Variants in LIN28B observed in about 807,000 individuals in gnomAD.
LIN28B encodes lin-28 RNA binding posttranscriptional regulator B, also known as protein lin-28 homolog B.
In LIN28B, 5 loss-of-function variants were observed where a neutral mutation model predicts 21.9. The observed-to-expected ratio is 0.23, with a 90% CI of 0.12 to 0.48. The LOEUF (loss-of-function observed/expected upper bound fraction) is 0.48, where lower values mean the gene tolerates loss of function less well. Ranked by LOEUF, LIN28B falls within the 20% of genes least tolerant of loss-of-function variation. The pLI is 0.98. For missense variants in LIN28B, 245 were observed against 310.5 expected, an observed-to-expected ratio of 0.79 and a Z score of 1.58; for synonymous variants, 109 against 111.3, an observed-to-expected ratio of 0.98 and a Z score of 0.13.
chr6:104,942,834 A>G (rs1778112690), intron 2 of LIN28B, among the ~76,000 whole-genome samples: 1 of 152,166 alleles, frequency 6.6e-6, no homozygotes, highest in Admixed American at 6.5e-5. Context: ...TTACAATATA[A>G]GGTCATAAAA....
chr6:105,025,454 C>G (rs532844920), intron 2 of LIN28B, among the ~76,000 whole-genome samples: 1 of 152,240 alleles, frequency 6.6e-6, no homozygotes, highest in African/African-American at 2.4e-5. Context: ...TACAAAAAAT[C>G]AGCTATCTTT....
At chr6:104,941,379 G>C (rs1438209758) in intron 2 of LIN28B, 4 of 146,086 alleles carry the variant, frequency 2.7e-5, no homozygotes, top group Admixed American at 6.7e-5. Context: ...GCACTGCGTT[G>C]CCACAGCGGC....
chr6:105,011,519 C>G (rs1770922499), intron 2 of LIN28B, among the ~76,000 whole-genome samples: 1 of 152,200 alleles, frequency 6.6e-6, no homozygotes, highest in African/African-American at 2.4e-5. Flanking sequence ...TAATGCAACC[C>G]TCTGGGTGTA....
At chr6:104,990,364 TG>T (rs1770435321) in intron 2 of LIN28B, among the ~76,000 whole-genome samples, 2 of 151,988 alleles carry the variant, frequency 1.3e-5, no homozygotes, top group Admixed American at 1.3e-4. Flanking sequence ...CTGATTTTTT[TG>T]TTTGCTTTTT....
chr6:105,057,466 T>C (rs933344076), intron 3 of LIN28B, among the ~76,000 whole-genome samples: 1 of 152,206 alleles, frequency 6.6e-6, no homozygotes, highest in Non-Finnish European at 1.5e-5. Context: ...ATTTTTGCAG[T>C]GTTGAGTGTT....
intron 3 of LIN28B, among the ~76,000 whole-genome samples, chr6:105,066,355 A>T (rs1210189313): frequency 2.0e-5 from 3 of 152,190 alleles, no homozygotes; most frequent in Non-Finnish European, 4.4e-5. Context: ...GTAACTTCAA[A>T]GCTTTGAATA....
At position 105,026,422 on chromosome 6, in the gene LIN28B, T is replaced by C; in HGVS notation, c.323T>C (p.Leu108Ser). ...RVTGPGGSPC[L>S]GSERRPKGKT... The stretch of plus-strand genomic sequence containing the variant: ...ACAGGACCTGGTGGGAGCCCCTGTT[T>C]AGGAAGTGAAAGAAGACCCAAAGGG... Residue 108 changes from leucine (L) to serine (S), a missense_variant, in exon 3 of 4, where the codon TTA (leucine) becomes TCA (serine). Physicochemically the swap from Leu to Ser is moderately radical, Grantham distance 145. Coordinates refer to ENST00000345080, the MANE Select transcript of LIN28B (RefSeq NM_001004317.4). 2 of 1,610,606 alleles carry C rather than the reference T, an allele frequency of 1.2e-6. No homozygotes were observed. Among genetic ancestry groups the C allele is most frequent in the South Asian group, 1.1e-5 (1 of 90,398 alleles).
chr6:104,975,236 T>C (rs1257040002), intron 2 of LIN28B, among the ~76,000 whole-genome samples: 1 of 151,586 alleles, frequency 6.6e-6, no homozygotes, highest in African/African-American at 2.4e-5. Flanking sequence ...TAGAGTAATA[T>C]CTTATCTTTG....
At chr6:104,973,059 C>T (rs947109147) in intron 2 of LIN28B, among the ~76,000 whole-genome samples, 3 of 150,990 alleles carry the variant, frequency 2.0e-5, no homozygotes, top group African/African-American at 7.3e-5. Context: ...TGCAGCGAGC[C>T]GAGATTGTGC....
chr6:104,999,152 A>T (rs554756815), intron 2 of LIN28B, among the ~76,000 whole-genome samples: 2 of 152,176 alleles, frequency 1.3e-5, no homozygotes, highest in South Asian at 2.1e-4. Context: ...CAATGTTATT[A>T]TTTTATTTAT....
In LIN28B at chr6:105,081,608, G is replaced by A. The variant is rs1197619613; in HGVS notation, c.*2825G>A. 6.6e-6 allele frequency: 1 copy of A among 152,214 alleles called. No individual in the cohort carries two copies. Among genetic ancestry groups the A allele is most frequent in the African/African-American group, 2.4e-5 (1 of 41,426 alleles). The allele number at this position is 152,214 out of a possible 1,614,324, so 9.4% of individuals were successfully genotyped here. ...GAAGCATCTCGTTTTAGTTAGCAAA[G>A]TCTCCAAACATTTCCTTAAAATAAT... On this transcript the variant is annotated 3_prime_UTR_variant, in exon 4 of 4. Coordinates refer to ENST00000345080, the MANE Select transcript of LIN28B (RefSeq NM_001004317.4).
rs534371956 is a variant in LIN28B at position 105,074,246 on chromosome 6, G to A, written c.384-4168G>A. Among the ~76,000 whole-genome samples, 5 of 152,180 alleles carry A rather than the reference G, an allele frequency of 3.3e-5. No homozygotes were observed. The South Asian group carries it at 1.0e-3, about 32-fold the overall frequency. ...AGAGTCTCGCTCTGTCGCCCAGGCT[G>A]GAGTGCAGTGGTGCAATCTCAGCTC... On this transcript the variant is annotated intron_variant, in intron 3 of 3. Transcript: ENST00000345080.
chr6:105,013,723 CAAAA>C (rs11330582), intron 2 of LIN28B, among the ~76,000 whole-genome samples: 1 of 137,526 alleles, frequency 7.3e-6, no homozygotes. Context: ...GACCCTGTCT[CAAAA>C]AAAAAAAAAA....
chr6:105,031,616 C>T (rs964817851), intron 3 of LIN28B, among the ~76,000 whole-genome samples: 15 of 151,546 alleles, frequency 9.9e-5, no homozygotes, highest in Non-Finnish European at 5.9e-5. Flanking sequence ...TCACTGCAAG[C>T]TCTGCCTCCC....
At chr6:104,953,722 C>T (rs1562561242), upstream of LIN28B, among the ~76,000 whole-genome samples, 1 of 152,274 alleles carries the variant, frequency 6.6e-6, no homozygotes, top group African/African-American at 2.4e-5. Flanking sequence ...TCTCAGGTCT[C>T]GGCCGCCTGG....
At chr6:104,973,540 A>G (rs9322824) in intron 2 of LIN28B, among the ~76,000 whole-genome samples, 3,250 of 151,046 alleles carry the variant, frequency 0.022, 135 homozygotes, top group African/African-American at 0.076. Context: ...TCCTCCCCCC[A>G]CTCCCCTTTG....
At chr6:104,988,277 C>G (rs1296448926) in intron 2 of LIN28B, among the ~76,000 whole-genome samples, 1 of 152,020 alleles carries the variant, frequency 6.6e-6, no homozygotes, top group Non-Finnish European at 1.5e-5. Flanking sequence ...TTATCAAATG[C>G]CTTTTCTGCA....
intron 3 of LIN28B, among the ~76,000 whole-genome samples, chr6:105,057,437 G>C (rs999184831): frequency 2.6e-5 from 4 of 152,178 alleles, no homozygotes; most frequent in African/African-American, 7.2e-5. Flanking sequence ...CAGCTCATTT[G>C]AAGAGTGTTG....
rs776010632 is a variant in LIN28B, at chr6:105,026,462, A to G, written c.363A>G (p.Lys121=). The change falls in exon 3 of 4, where the codon AAA becomes AAG. Residue 121 remains lysine, a synonymous_variant. Coordinates refer to ENST00000345080, the MANE Select transcript of LIN28B (RefSeq NM_001004317.4). Reference sequence around the variant, plus strand: ...GACCCAAAGGGAAGACACTACAGAAAAGAAAACCAAAGGGAGATAGGTAAT... The same window carrying G: ...GACCCAAAGGGAAGACACTACAGAAGAGAAAACCAAAGGGAGATAGGTAAT... ...ERRPKGKTLQ[K]RKPKGDRCYN... The G allele has an allele frequency of 6.3e-7, 1 of 1,580,922 alleles. No individual in the cohort carries two copies. Among genetic ancestry groups the G allele is most frequent in the South Asian group, 1.2e-5 (1 of 85,242 alleles).
Sources: gnomAD v4.1 joint callset for allele counts (sites outside exome capture counted in the v4.1 genomes callset) on GRCh38, gnomAD v4.1.1 for gene constraint, MANE v1.5 for transcripts, NCBI Gene and HGNC (gene_info 2026-07-23, HGNC 2026-07-21) for gene names.